The following NR5A2 variants were observed in gnomAD, a reference collection of about 807,000 sequenced individuals.
NR5A2 encodes the protein nuclear receptor subfamily 5 group A member 2.
In NR5A2, 26 loss-of-function variants were observed where a neutral mutation model predicts 62.7. That is an observed-to-expected ratio of 0.41 (90% CI 0.30 to 0.58). The LOEUF is 0.58. NR5A2 is among the 20% of genes least tolerant of loss of function. The pLI, the probability that NR5A2 is intolerant of heterozygous loss-of-function variation, is 0.22. For missense variants in NR5A2, 541 were observed against 669.1 expected (o/e 0.81, Z 2.11); for synonymous variants, 246 against 241.7 (o/e 1.02, Z -0.16).
intron 6 of NR5A2, among the ~76,000 whole-genome samples, chr1:200,112,349 C>T (rs1021870287): frequency 6.6e-6 from 1 of 152,174 alleles, no homozygotes; most frequent in Non-Finnish European, 1.5e-5. Flanking sequence ...AACTGATGTG[C>T]TATTTAAATA....
At chr1:200,134,541 T>C (rs1301132839) in intron 7 of NR5A2, among the ~76,000 whole-genome samples, 2 of 152,152 alleles carry the variant, frequency 1.3e-5, no homozygotes, top group African/African-American at 2.4e-5. Flanking sequence ...GTGTAGTAAG[T>C]TTGTGTAAGT....
At position 200,092,783 on chromosome 1, in the gene NR5A2, A is replaced by G. The variant is rs183274391; in HGVS notation, c.1111-18419A>G. Among the ~76,000 whole-genome samples the G allele has an allele frequency of 5.3e-5, 8 of 150,648 alleles. No individual in the cohort carries two copies. In the East Asian group the frequency reaches 1.6e-3, roughly 29 times the overall value. On this transcript the variant is annotated intron_variant, in intron 5 of 7. Transcript: ENST00000367362. ...TTTTCTTCTGTAGTTTTTATGAATCATGTGTGCTCAAAAGTATGGATCACA... is the reference window on the plus strand; with the variant it reads ...TTTTCTTCTGTAGTTTTTATGAATCGTGTGTGCTCAAAAGTATGGATCACA...
intron 5 of NR5A2, among the ~76,000 whole-genome samples, chr1:200,105,816 G>A (rs778097061): frequency 6.6e-6 from 1 of 152,100 alleles, no homozygotes; most frequent in African/African-American, 2.4e-5. Flanking sequence ...AGCCGGCATG[G>A]TGGTGAGTTC....
intron 5 of NR5A2, among the ~76,000 whole-genome samples, chr1:200,071,857 T>G (rs527422796): frequency 6.6e-6 from 1 of 152,290 alleles, no homozygotes; most frequent in East Asian, 1.9e-4. Flanking sequence ...TAGCAGATTT[T>G]TTTTATTGGA....
intron 7 of NR5A2, among the ~76,000 whole-genome samples, chr1:200,124,593 C>T (rs1186204943): frequency 6.6e-6 from 1 of 152,196 alleles, no homozygotes; most frequent in African/African-American, 2.4e-5. Context: ...CTTTACATTT[C>T]TAGCACAATG....
Position 200,158,901 on chromosome 1 carries a change from C to T in NR5A2, c.1379-15062C>T, listed in dbSNP as rs970819780. 1.9e-4 allele frequency among the ~76,000 whole-genome samples: 28 copies of T among 144,938 alleles called. 1 individual carries two copies. Among genetic ancestry groups the T allele is most frequent in the South Asian group, 2.2e-4 (1 of 4,576 alleles). On this transcript the variant is annotated intron_variant, in intron 7 of 7. Transcript: ENST00000367362. ...TGACCTGACCTTAATATGTTTGATTCTTTTTTTTTTTTTCCTAATAGGGAC... is the reference window on the plus strand; with the variant it reads ...TGACCTGACCTTAATATGTTTGATTTTTTTTTTTTTTTTCCTAATAGGGAC...
intron 6 of NR5A2, among the ~76,000 whole-genome samples, chr1:200,115,185 GAAAAAACTAAAACTAT>G: frequency 6.6e-6 from 1 of 152,094 alleles, no homozygotes. Context: ...TTAATATTAA[GAAAAAACTAAAACTAT>G]GAAAAAATCA....
intron 6 of NR5A2, among the ~76,000 whole-genome samples, chr1:200,112,494 G>GT (rs1666000969): frequency 6.6e-6 from 1 of 152,174 alleles, no homozygotes; most frequent in Non-Finnish European, 1.5e-5. Flanking sequence ...TTTATGTGCT[G>GT]TGAAACCACA....
intron 5 of NR5A2, chr1:200,057,478 A>G (rs776996436): frequency 4.3e-6 from 1 of 233,994 alleles, no homozygotes; most frequent in Non-Finnish European, 8.6e-6. Flanking sequence ...TGCTAAATCA[A>G]TTTTTTTTCT....
At chr1:200,128,746 A>T (rs1316692879) in intron 7 of NR5A2, among the ~76,000 whole-genome samples, 1 of 152,172 alleles carries the variant, frequency 6.6e-6, no homozygotes, top group Non-Finnish European at 1.5e-5. Context: ...AAGTTTGTAC[A>T]TTCTGTTTTC....
At chr1:200,168,493 C>A (rs1654018181) in intron 7 of NR5A2, among the ~76,000 whole-genome samples, 1 of 152,164 alleles carries the variant, frequency 6.6e-6, no homozygotes, top group Non-Finnish European at 1.5e-5. Flanking sequence ...CCAAGGGCAG[C>A]ATTTTCTTAT....
intron 5 of NR5A2, among the ~76,000 whole-genome samples, chr1:200,100,631 T>A (rs757348516): frequency 5.9e-5 from 9 of 152,216 alleles, no homozygotes; most frequent in Non-Finnish European, 1.3e-4. Context: ...CAAATCGTCT[T>A]GGCTCTTCTT....
intron 1 of NR5A2, among the ~76,000 whole-genome samples, chr1:200,032,675 A>G (rs549069494): frequency 2.0e-3 from 298 of 152,250 alleles, no homozygotes; most frequent in South Asian, 4.4e-3. Context: ...TGATATATAT[A>G]TATATATCCA....
intron 1 of NR5A2, among the ~76,000 whole-genome samples, chr1:200,034,814 T>TA (rs1558094017): frequency 2.0e-5 from 2 of 101,784 alleles, no homozygotes; most frequent in South Asian, 3.5e-4. Context: ...TTTTTTTTTT[T>TA]AAACAAGGCA....
chr1:200,064,875 T>A (rs1255551828), intron 5 of NR5A2, among the ~76,000 whole-genome samples: 1 of 152,224 alleles, frequency 6.6e-6, no homozygotes, highest in Admixed American at 6.5e-5. Context: ...TGGTTATTGA[T>A]GACATGTATG....
chr1:200,067,672 G>A (rs1365297057), intron 5 of NR5A2, among the ~76,000 whole-genome samples: 1 of 152,060 alleles, frequency 6.6e-6, no homozygotes, highest in Non-Finnish European at 1.5e-5. Flanking sequence ...ATAACTACAG[G>A]GTGCTGGACT....
chr1:200,161,994 C>T (rs1031502544), intron 7 of NR5A2, among the ~76,000 whole-genome samples: 2 of 152,202 alleles, frequency 1.3e-5, no homozygotes, highest in Admixed American at 6.5e-5. Flanking sequence ...AACCAGTAAC[C>T]GGAGAATCCA....
chr1:200,082,976 G>T, intron 5 of NR5A2, among the ~76,000 whole-genome samples: 1 of 151,990 alleles, frequency 6.6e-6, no homozygotes, highest in East Asian at 1.9e-4. Flanking sequence ...GAGTTTTTCA[G>T]TCTAGAAGAT....
At chr1:200,072,310 G>A (rs1283251296) in intron 5 of NR5A2, among the ~76,000 whole-genome samples, 3 of 152,062 alleles carry the variant, frequency 2.0e-5, no homozygotes, top group African/African-American at 7.2e-5. Context: ...ATATTATATA[G>A]CAATCAGATA....
Sources: gnomAD v4.1 joint callset for allele counts (sites outside exome capture counted in the v4.1 genomes callset) on GRCh38, gnomAD v4.1.1 for gene constraint, MANE v1.5 for transcripts, NCBI Gene and HGNC (gene_info 2026-07-23, HGNC 2026-07-21) for gene names.